Variants in ATP13A5 observed in about 807,000 individuals in gnomAD.
ATP13A5 encodes the protein ATPase 13A5.
In ATP13A5, 149 loss-of-function variants were observed where a neutral mutation model predicts 150.2. That is an observed-to-expected ratio of 0.99 (90% CI 0.87 to 1.14). The LOEUF (loss-of-function observed/expected upper bound fraction) is 1.14. Ranked by LOEUF, ATP13A5 falls within the 50% of genes most tolerant of loss-of-function variation. The probability of loss-of-function intolerance (pLI) is 0.00; values close to 1 mark genes in which losing one functional copy is unlikely to be tolerated. For synonymous variants in ATP13A5, 497 were observed against 522.2 expected, an observed-to-expected ratio of 0.95 and a Z score of 0.66; for missense variants, 1,383 against 1,449.3, an observed-to-expected ratio of 0.95 and a Z score of 0.74.
At chr3:193,324,713 G>T in intron 14 of ATP13A5, 151 bp downstream of exon 14, 1 of 776,998 alleles carries the variant, frequency 1.3e-6, no homozygotes, top group Non-Finnish European at 2.0e-6. Context: ...AATTCTTTGG[G>T]GGCACAGGTT....
chr3:193,314,929 A>G (rs1718990973), intron 18 of ATP13A5, 43 bp downstream of exon 18: 6 of 1,605,374 alleles, frequency 3.7e-6, no homozygotes, highest in African/African-American at 1.3e-5. Flanking sequence ...TCTTATGCCT[A>G]GGATACAATC....
intron 1 of ATP13A5, among the ~76,000 whole-genome samples, chr3:193,372,909 G>T (rs1713502030): frequency 6.6e-6 from 1 of 152,144 alleles, no homozygotes; most frequent in South Asian, 2.1e-4. Flanking sequence ...GGTGTCAGTT[G>T]AAGATTGATA....
intron 9 of ATP13A5, among the ~76,000 whole-genome samples, chr3:193,343,566 A>T (rs1490937762): frequency 3.3e-5 from 5 of 152,150 alleles, no homozygotes; most frequent in Non-Finnish European, 7.4e-5. Context: ...TTAAGGTTGC[A>T]TCTCTTTTGT....
At chr3:193,319,317 T>C (rs1186416613) in intron 16 of ATP13A5, among the ~76,000 whole-genome samples, 2 of 152,252 alleles carry the variant, frequency 1.3e-5, no homozygotes, top group Admixed American at 1.3e-4. Flanking sequence ...GCCGTGCTGG[T>C]CATTTACTGC....
chr3:193,329,022 G>A (rs933122432), intron 12 of ATP13A5, among the ~76,000 whole-genome samples: 1 of 151,932 alleles, frequency 6.6e-6, no homozygotes, highest in Admixed American at 6.6e-5. Flanking sequence ...CGAGGAGGGT[G>A]GATCACGAGG....
chr3:193,345,026 A>G lies in ATP13A5; in HGVS notation c.791T>C (p.Val264Ala). Residue 264 changes from valine to alanine, a missense_variant, in exon 8 of 30, where the codon GTT becomes GCT. By Grantham distance (64) the Val-to-Ala change is moderately conservative (BLOSUM62 0). Coordinates refer to ENST00000342358, the MANE Select transcript of ATP13A5 (RefSeq NM_198505.4). Reference protein sequence around the residue: ...NLVEDHNKVQVTIIVKDKGLE... With the variant: ...NLVEDHNKVQATIIVKDKGLE... ...ACCTTTGTCTTTTACAATGATTGTA[A>G]CCTGGACTTTGTTGTGGTCCTCCAC... 2 of 1,613,760 alleles carry G rather than the reference A, an allele frequency of 1.2e-6. No homozygotes were observed. Among genetic ancestry groups the G allele is most frequent in the Non-Finnish European group, 1.7e-6 (2 of 1,179,712 alleles).
chr3:193,313,387 T>C (rs1272208129), intron 19 of ATP13A5: 1 of 152,230 alleles, frequency 6.6e-6, no homozygotes, highest in East Asian at 1.9e-4. Flanking sequence ...TAGGGCCATA[T>C]CTTTGAATTC....
At chr3:193,355,523 G>A (rs1712749807) in intron 5 of ATP13A5, among the ~76,000 whole-genome samples, 1 of 152,130 alleles carries the variant, frequency 6.6e-6, no homozygotes. Flanking sequence ...GTATAACAGA[G>A]AGCTGAGCCC....
chr3:193,280,599 T>C (rs1264424310), intron 27 of ATP13A5, among the ~76,000 whole-genome samples: 1 of 152,194 alleles, frequency 6.6e-6, no homozygotes, highest in East Asian at 1.9e-4. Flanking sequence ...CCAAATTGTT[T>C]TAATTTTGGG....
At chr3:193,277,911 C>G (rs760549974) in intron 28 of ATP13A5, among the ~76,000 whole-genome samples, 40 of 152,200 alleles carry the variant, frequency 2.6e-4, no homozygotes, top group Admixed American at 6.5e-5. Context: ...CTGCAACATT[C>G]TCCTGCCTCA....
intron 6 of ATP13A5, among the ~76,000 whole-genome samples, chr3:193,353,097 G>T (rs1712630817): frequency 6.6e-6 from 1 of 152,102 alleles, no homozygotes; most frequent in Non-Finnish European, 1.5e-5. Context: ...TCCACCCAAG[G>T]GTGGAATGGG....
At chr3:193,370,216 G>C (rs1445771660) in intron 1 of ATP13A5, among the ~76,000 whole-genome samples, 1 of 152,192 alleles carries the variant, frequency 6.6e-6, no homozygotes, top group Non-Finnish European at 1.5e-5. Flanking sequence ...GTCTGGATTA[G>C]GAATAGCAGT....
intron 16 of ATP13A5, among the ~76,000 whole-genome samples, chr3:193,320,386 T>G (rs1215460760): frequency 2.0e-5 from 3 of 152,152 alleles, no homozygotes; most frequent in Admixed American, 2.0e-4. Flanking sequence ...GAAGATAGTA[T>G]TAGCGTAAGT....
chr3:193,306,065 C>G (rs1461941470), intron 22 of ATP13A5, among the ~76,000 whole-genome samples: 1 of 151,902 alleles, frequency 6.6e-6, no homozygotes, highest in Non-Finnish European at 1.5e-5. Flanking sequence ...TGGTGGGAAT[C>G]TTCATGAACA....
At chr3:193,303,190 C>T (rs1718472476) in intron 23 of ATP13A5, among the ~76,000 whole-genome samples, 1 of 152,126 alleles carries the variant, frequency 6.6e-6, no homozygotes, top group Non-Finnish European at 1.5e-5. Flanking sequence ...ACCAACTGGC[C>T]CCTGCATTCT....
chr3:193,301,952 T>TA (rs1560121512), intron 23 of ATP13A5, among the ~76,000 whole-genome samples: 1 of 152,248 alleles, frequency 6.6e-6, no homozygotes, highest in East Asian at 1.9e-4. Flanking sequence ...ATTTCTCCTT[T>TA]AAAAAAATTC....
In ATP13A5 at chr3:193,279,383, T is replaced by C. The variant is rs1717377051; in HGVS notation, c.3298A>G (p.Ile1100Val). The C allele has an allele frequency of 6.2e-7, 1 of 1,613,604 alleles. No individual in the cohort carries two copies. The highest frequency in any genetic ancestry group is 8.5e-7 in the Non-Finnish European group (1 of 1,179,668). ...IFILFSDFQV[I>V]YRGMELIPTI... ...CCACTTACCTCCATTCCACGGTATA[T>C]AACTTGAAAGTCAGAAAACAGAATG... The change falls in exon 28 of 30, where the codon ATA (isoleucine) becomes GTA (valine). Residue 1100 changes from isoleucine (I) to valine (V), a missense_variant. Physicochemically the swap from Ile to Val is conservative, Grantham distance 29. Transcript: ENST00000342358.
intron 5 of ATP13A5, among the ~76,000 whole-genome samples, chr3:193,355,466 A>G (rs190212176): frequency 3.1e-3 from 477 of 152,308 alleles, no homozygotes; most frequent in Non-Finnish European, 5.9e-3. Context: ...TGCCTCAGAA[A>G]GGACCAATGG....
At position 193,299,222 on chromosome 3, in the gene ATP13A5, C is replaced by A; in HGVS notation, c.2776-19G>T. On this transcript the variant is annotated intron_variant, in intron 24 of 29. Transcript: ENST00000342358. ...GTAGTTGCTGAAAAAGAAACAAAAG[C>A]AAATATAAATGTGGCATCTGCCATC... is the stretch of plus-strand genomic sequence containing the variant. The A allele has an allele frequency of 6.3e-7, 1 of 1,593,712 alleles. No homozygotes were observed. Among genetic ancestry groups the A allele is most frequent in the Non-Finnish European group, 8.6e-7 (1 of 1,166,542 alleles).
Sources: allele counts gnomAD v4.1 joint callset (sites outside exome capture counted in the v4.1 genomes callset), GRCh38; gene constraint gnomAD v4.1.1; transcripts MANE v1.5; gene names NCBI Gene and HGNC (gene_info 2026-07-23, HGNC 2026-07-21).